The following MANF variants were observed in gnomAD, a reference collection of about 807,000 sequenced individuals.
MANF encodes the protein mesencephalic astrocyte-derived neurotrophic factor.
MANF carries 9 observed loss-of-function variants against 19.1 expected under a neutral mutation model. That is an observed-to-expected ratio of 0.47 (90% CI 0.28 to 0.82). The LOEUF (loss-of-function observed/expected upper bound fraction) is 0.82. MANF is among the 40% of genes least tolerant of loss of function. The pLI is 0.10. For missense variants in MANF, 225 were observed against 226.7 expected (o/e 0.99, Z 0.05); for synonymous variants, 89 against 88.0 (o/e 1.01, Z -0.06).
rs2088989513 is a variant in MANF, at chr3:51,388,805, T to C, written c.365-100T>C. ...GAAATGTCTCTTCCTCTGAAACCAG[T>C]AGGGCTGGTTTGGCCGTTCAGGGAG... On this transcript the variant is annotated intron_variant, in intron 3 of 3. Coordinates refer to ENST00000528157, the MANE Select transcript of MANF (RefSeq NM_006010.6). 6 of 803,776 alleles carry C rather than the reference T, an allele frequency of 7.5e-6. No individual in the cohort carries two copies. The South Asian group carries it at 1.2e-4, about 16-fold the overall frequency. 49.8% of individuals were successfully genotyped at this position (803,776 alleles called of 1,614,324 possible).
chr3:51,386,653 C>T (rs1259953572), intron 2 of MANF, among the ~76,000 whole-genome samples: 2 of 152,174 alleles, frequency 1.3e-5, no homozygotes, highest in Non-Finnish European at 1.5e-5. Flanking sequence ...AATGGACCAG[C>T]AGGTGCTGAT....
intron 3 of MANF, among the ~76,000 whole-genome samples, 186 bp from the exon 4 acceptor site, chr3:51,388,719 T>G (rs868982859): frequency 2.6e-5 from 4 of 152,206 alleles, no homozygotes; most frequent in Admixed American, 2.0e-4. Context: ...GCCTTCCTGG[T>G]GAAGAGGCTA....
At chr3:51,387,956 G>A (rs2088978737) in intron 3 of MANF, 78 bp downstream of exon 3, 2 of 1,438,730 alleles carry the variant, frequency 1.4e-6, no homozygotes, top group South Asian at 2.4e-5. Flanking sequence ...GGAAAATGAT[G>A]AGCTAGAGTC....
Position 51,389,081 on chromosome 3 carries a change from G to A in MANF, c.541G>A (p.Asp181Asn). The A allele has an allele frequency of 1.9e-6, 3 of 1,611,148 alleles. No individual in the cohort carries two copies. Among genetic ancestry groups the A allele is most frequent in the East Asian group, 2.2e-5 (1 of 44,812 alleles). Reference protein sequence around the residue: ...YAPKAASARTDL With the variant: ...YAPKAASARTNL ...CCCCAAGGCAGCCAGTGCACGGACC[G>A]ATTTGTAGTCTGCTCAATCTCTGTT... The change falls in exon 4 of 4, where the codon GAT (aspartate) becomes AAT (asparagine). Residue 181 changes from aspartate (D) to asparagine (N), a missense_variant. Transcript: ENST00000528157.
chr3:51,388,930 G>A lies in MANF; in HGVS notation c.390G>A (p.Val130=), dbSNP rs781898423. The change falls in exon 4 of 4, where the codon GTG becomes GTA. Residue 130 remains valine (V), a synonymous_variant. Coordinates refer to ENST00000528157, the MANE Select transcript of MANF (RefSeq NM_006010.6). ...KYDKQIDLST[V]DLKKLRVKEL... ...ACAAGCAGATCGACCTGAGCACAGT[G>A]GACCTGAAGAAGCTCCGAGTTAAAG... 3.8e-6 allele frequency: 6 copies of A among 1,584,406 alleles called. No individual in the cohort carries two copies. The African/African-American group carries it at 6.7e-5, about 18-fold the overall frequency.
In MANF at chr3:51,385,445, T is replaced by C; in HGVS notation, c.94+9T>C. ...GCCGGGCGACTGCGAAGGTGCGGGATAGGGGGCCGGGGGCCGCGCTCCGTG... is the reference window on the plus strand; with the variant it reads ...GCCGGGCGACTGCGAAGGTGCGGGACAGGGGGCCGGGGGCCGCGCTCCGTG... On this transcript the variant is annotated intron_variant, in intron 1 of 3. Coordinates refer to ENST00000528157, the MANE Select transcript of MANF (RefSeq NM_006010.6). The C allele has an allele frequency of 8.3e-7, 1 of 1,203,312 alleles. No individual in the cohort carries two copies. Among genetic ancestry groups the C allele is most frequent in the South Asian group, 4.2e-5 (1 of 24,048 alleles). 74.5% of individuals were successfully genotyped at this position (1,203,312 alleles called of 1,614,324 possible). A position where few individuals can be genotyped will look rare whatever the true frequency, so the allele number is the denominator to read the frequency against.
At chr3:51,387,632 A>G in intron 2 of MANF, 105 bp from the exon 3 acceptor site, 1 of 1,134,434 alleles carries the variant, frequency 8.8e-7, no homozygotes, top group Non-Finnish European at 1.3e-6. Flanking sequence ...CTATCTCAAA[A>G]CACAAGTAAG....
chr3:51,385,683 GA>G, intron 1 of MANF: 1 of 362,084 alleles, frequency 2.8e-6, no homozygotes. Flanking sequence ...AACTTGTCCT[GA>G]AATCTCCATC....
Position 51,387,853 on chromosome 3 carries a change from C to T in MANF, c.339C>T (p.Asp113=). ...TCTGTGAGAAGCTTAAGAAGAAGGA[C>T]AGCCAGATATGTGAGCTTAAGTATG... ...EKICEKLKKK[D]SQICELKYDK... The change falls in exon 3 of 4, where the codon GAC becomes GAT. Residue 113 remains aspartate (D), a synonymous_variant. Coordinates refer to ENST00000528157, the MANE Select transcript of MANF (RefSeq NM_006010.6). The T allele has an allele frequency of 1.2e-6, 2 of 1,613,798 alleles. No individual in the cohort carries two copies. The highest frequency in any genetic ancestry group is 1.1e-5 in the South Asian group (1 of 91,034).
In MANF at chr3:51,385,355, TGG is replaced by T. The variant is rs1553620691; in HGVS notation, c.15_16del (p.Trp5CysfsTer52). ...GAGGATGAGGAGGATGAGGAGGATG[TGG>T]GCCACGCAGGGGCTGGCGGTGGCGC... Reference protein sequence around the residue: MRRMWATQGLAVALA... With the variant: MRRMXATQGLAVALA... On this transcript the variant is annotated frameshift_variant, in exon 1 of 4. Transcript: ENST00000528157. LOFTEE classifies it high-confidence loss of function. 8.1e-7 allele frequency: 1 copy of T among 1,237,676 alleles called. No individual in the cohort carries two copies. 76.7% of individuals were successfully genotyped at this position (1,237,676 alleles called of 1,614,324 possible). A position where few individuals can be genotyped will look rare whatever the true frequency, so the allele number is the denominator to read the frequency against.
Position 51,388,933 on chromosome 3 carries a change from C to A in MANF, c.393C>A (p.Asp131Glu). The A allele has an allele frequency of 6.3e-7, 1 of 1,585,752 alleles. No individual in the cohort carries two copies. The highest frequency in any genetic ancestry group is 8.6e-7 in the Non-Finnish European group (1 of 1,165,694). Residue 131 changes from aspartate (D) to glutamate (E), a missense_variant, in exon 4 of 4, where the codon GAC (aspartate) becomes GAA (glutamate). Coordinates refer to ENST00000528157, the MANE Select transcript of MANF (RefSeq NM_006010.6). ...AGCAGATCGACCTGAGCACAGTGGA[C>A]CTGAAGAAGCTCCGAGTTAAAGAGC... ...YDKQIDLSTVDLKKLRVKELK... is the reference protein window; with the variant it reads ...YDKQIDLSTVELKKLRVKELK...
At chr3:51,387,698 C>G in intron 2 of MANF, 39 bp from the exon 3 acceptor site, 1 of 1,594,664 alleles carries the variant, frequency 6.3e-7, no homozygotes, top group Non-Finnish European at 8.6e-7. Flanking sequence ...AGATGGCTCT[C>G]AAGCACCTCC....
Position 51,386,203 on chromosome 3 carries a change from T to C in MANF, c.95-5T>C, listed in dbSNP as rs2088959579. The C allele has an allele frequency of 6.2e-7, 1 of 1,613,160 alleles. No individual in the cohort carries two copies. The highest frequency in any genetic ancestry group is 8.5e-7 in the Non-Finnish European group (1 of 1,179,510). On this transcript the variant is annotated splice_polypyrimidine_tract_variant and splice_region_variant and intron_variant, in intron 1 of 3. Coordinates refer to ENST00000528157, the MANE Select transcript of MANF (RefSeq NM_006010.6). Reference sequence around the variant, plus strand: ...CTGAGCATCTCCCGTCCCTCTCTTTTCCAGTTTGTATTTCTTATCTGGGAA... The same window carrying C: ...CTGAGCATCTCCCGTCCCTCTCTTTCCCAGTTTGTATTTCTTATCTGGGAA...
At chr3:51,387,986 T>G in intron 3 of MANF, 108 bp downstream of exon 3, 1 of 1,103,830 alleles carries the variant, frequency 9.1e-7, no homozygotes, top group Non-Finnish European at 1.3e-6. Flanking sequence ...TTGTATTGTA[T>G]GACAGATGGT....
chr3:51,388,843 G>A (rs527701850), intron 3 of MANF, 62 bp from the exon 4 acceptor site: 2 of 1,281,642 alleles, frequency 1.6e-6, no homozygotes, highest in Non-Finnish European at 2.1e-6. Context: ...ACATACTCTG[G>A]GACTACTGGG....
chr3:51,386,432 A>T, intron 2 of MANF, 97 bp downstream of exon 2: 11 of 1,370,118 alleles, frequency 8.0e-6, no homozygotes, highest in Non-Finnish European at 1.1e-5. Flanking sequence ...CTCTCTGTTC[A>T]GGAAGCCAGC....
At chr3:51,386,770 G>A (rs1398121665) in intron 2 of MANF, 1 of 425,982 alleles carries the variant, frequency 2.3e-6, no homozygotes, top group African/African-American at 2.0e-5. Flanking sequence ...AAAGAGTGTG[G>A]CATGTATGTG....
Position 51,385,325 on chromosome 3 carries a change from A to C in MANF, c.-18A>C. On this transcript the variant is annotated 5_prime_UTR_variant, in exon 1 of 4. Coordinates refer to ENST00000528157, the MANE Select transcript of MANF (RefSeq NM_006010.6). ...GCGGCGGCAGCGGAGGAGGAGGAGG[A>C]GGAGGAGGATGAGGAGGATGAGGAG... The C allele has an allele frequency of 2.5e-6, 3 of 1,207,330 alleles. No individual in the cohort carries two copies. Among genetic ancestry groups the C allele is most frequent in the Non-Finnish European group, 3.1e-6 (3 of 963,694 alleles). The allele number at this position is 1,207,330 out of a possible 1,614,324, so 74.8% of individuals were successfully genotyped here.
intron 2 of MANF, chr3:51,386,890 G>A (rs782152682): frequency 1.5e-5 from 7 of 456,758 alleles, no homozygotes; most frequent in South Asian, 9.3e-5. Context: ...ACAGTCTCTG[G>A]CTTTTCTCTC....
Sources: gnomAD v4.1 joint callset for allele counts (sites outside exome capture counted in the v4.1 genomes callset) on GRCh38, gnomAD v4.1.1 for gene constraint, MANE v1.5 for transcripts, NCBI Gene and HGNC (gene_info 2026-07-23, HGNC 2026-07-21) for gene names.